Variants in MSI2 observed in about 807,000 individuals in gnomAD.
MSI2 encodes the protein RNA-binding protein Musashi homolog 2.
Under a neutral mutation model 45.6 loss-of-function variants are expected in MSI2, and 17 were observed. The observed-to-expected ratio is 0.37, with a 90% CI of 0.26 to 0.56. The LOEUF is 0.56. Ranked by LOEUF, MSI2 falls within the 20% of genes least tolerant of loss-of-function variation. The probability of loss-of-function intolerance (pLI) is 0.77; values close to 1 mark genes in which losing one functional copy is unlikely to be tolerated. For missense variants in MSI2, 293 were observed against 444.2 expected, an observed-to-expected ratio of 0.66 and a Z score of 3.06; for synonymous variants, 156 against 158.2, an observed-to-expected ratio of 0.99 and a Z score of 0.11.
chr17:57,648,917 C>T (rs996794512), intron 10 of MSI2, among the ~76,000 whole-genome samples: 1 of 152,172 alleles, frequency 6.6e-6, no homozygotes. Flanking sequence ...CTCTGCCAGG[C>T]GTCTCTCCCC....
intron 5 of MSI2, among the ~76,000 whole-genome samples, chr17:57,355,717 G>A (rs1338275947): frequency 2.6e-5 from 4 of 152,238 alleles, no homozygotes; most frequent in Non-Finnish European, 5.9e-5. Flanking sequence ...GGCAGGCAGG[G>A]CCTGGCGGGT....
chr17:57,424,430 G>A (rs1018692098), intron 6 of MSI2, among the ~76,000 whole-genome samples: 1 of 152,254 alleles, frequency 6.6e-6, no homozygotes, highest in Non-Finnish European at 1.5e-5. Context: ...AGGCACAGAA[G>A]AGCCTGTGTC....
At chr17:57,315,895 G>A (rs1297181302) in intron 5 of MSI2, among the ~76,000 whole-genome samples, 1 of 152,124 alleles carries the variant, frequency 6.6e-6, no homozygotes, top group Admixed American at 6.5e-5. Flanking sequence ...TCTAAATTAG[G>A]TCCTTGCTGT....
chr17:57,285,909 T>A, intron 5 of MSI2: 1 of 1,533,676 alleles, frequency 6.5e-7, no homozygotes, highest in South Asian at 1.2e-5. Flanking sequence ...ATTAAGAAAG[T>A]ACTAAAGAAT....
At chr17:57,470,255 A>G (rs911318060) in intron 6 of MSI2, among the ~76,000 whole-genome samples, 1 of 150,544 alleles carries the variant, frequency 6.6e-6, no homozygotes, top group Non-Finnish European at 1.5e-5. Flanking sequence ...GCTTTGACAT[A>G]CAATACCTTC....
At chr17:57,655,776 G>A (rs1286709188) in intron 11 of MSI2, among the ~76,000 whole-genome samples, 1 of 152,204 alleles carries the variant, frequency 6.6e-6, no homozygotes, top group Non-Finnish European at 1.5e-5. Flanking sequence ...CTCTCTCAGT[G>A]TCCAGCTTCC....
At chr17:57,333,982 C>T (rs1045712323) in intron 5 of MSI2, among the ~76,000 whole-genome samples, 5 of 152,132 alleles carry the variant, frequency 3.3e-5, no homozygotes, top group African/African-American at 1.2e-4. Flanking sequence ...CTTCTCCATG[C>T]CTTAGTTTCC....
chr17:57,260,138 A>T (rs1907174095), intron 4 of MSI2: 1 of 152,166 alleles, frequency 6.6e-6, no homozygotes, highest in African/African-American at 2.4e-5. Flanking sequence ...GTACCTAACT[A>T]ACTAATGTTT....
intron 6 of MSI2, among the ~76,000 whole-genome samples, chr17:57,500,846 C>G (rs189868394): frequency 6.6e-6 from 1 of 151,144 alleles, no homozygotes; most frequent in East Asian, 1.9e-4. Context: ...GCATGTAGTC[C>G]CAGCTACTTG....
At position 57,455,326 on chromosome 17, in the gene MSI2, C is replaced by T. The variant is rs529073735; in HGVS notation, c.405+53855C>T. 1.2e-4 allele frequency among the ~76,000 whole-genome samples: 18 copies of T among 152,314 alleles called. 1 individual carries two copies. Among genetic ancestry groups the T allele is most frequent in the African/African-American group, 3.6e-4 (15 of 41,574 alleles). On this transcript the variant is annotated intron_variant, in intron 6 of 13. Coordinates refer to ENST00000284073, the MANE Select transcript of MSI2 (RefSeq NM_138962.4). ...ACACACAGGGAGCTGTGGTCACAGT[C>T]GGACCACTTGGCAGCCATCATAAGA...
At chr17:57,699,034 AGAGAGAGAGAGTGT>A in the MSI2 span, among the ~76,000 whole-genome samples, 5 of 90,176 alleles carry the variant, frequency 5.5e-5, no homozygotes, top group Non-Finnish European at 1.1e-4. Flanking sequence ...AGAGAGAGAG[AGAGAGAGAGAGTGT>A]GTGTGTGTGT....
intron 6 of MSI2, chr17:57,449,767 C>A (rs148086680): frequency 1.6e-4 from 25 of 152,254 alleles, no homozygotes; most frequent in African/African-American, 6.0e-4. Flanking sequence ...GTGGTTCGTG[C>A]CTGTAATCCC....
chr17:57,621,516 A>G (rs1472950917), intron 9 of MSI2, among the ~76,000 whole-genome samples: 1 of 152,248 alleles, frequency 6.6e-6, no homozygotes, highest in African/African-American at 2.4e-5. Context: ...GCAGCAGAAA[A>G]CTAAGTCTCT....
rs72830813 is a variant in MSI2 at position 57,276,737 on chromosome 17, C to T, written c.312+14545C>T. Among the ~76,000 whole-genome samples the T allele has an allele frequency of 3.9e-5, 6 of 152,240 alleles. No homozygotes were observed. In the South Asian group the frequency reaches 1.0e-3, roughly 26 times the overall value. Reference sequence around the variant, plus strand: ...TCATCTCTCTAGCTTCCTAAAAGGGCCATGACTCATTTCCTTGGTTTCCAA... The same window carrying T: ...TCATCTCTCTAGCTTCCTAAAAGGGTCATGACTCATTTCCTTGGTTTCCAA... On this transcript the variant is annotated intron_variant, in intron 5 of 13. Transcript: ENST00000284073.
chr17:57,379,856 C>G (rs1478602063), intron 5 of MSI2, among the ~76,000 whole-genome samples: 3 of 152,182 alleles, frequency 2.0e-5, no homozygotes, highest in African/African-American at 7.2e-5. Flanking sequence ...TCTTTGTTCT[C>G]GAATACGGTG....
intron 6 of MSI2, among the ~76,000 whole-genome samples, chr17:57,423,062 T>C (rs2084426483): frequency 6.6e-6 from 1 of 152,200 alleles, no homozygotes; most frequent in African/African-American, 2.4e-5. Context: ...GATAGGACTC[T>C]ATTCTTTAAT....
chr17:57,575,944 CAAAAAA>C (rs34036311), intron 7 of MSI2, among the ~76,000 whole-genome samples: 100 of 64,444 alleles, frequency 1.6e-3, no homozygotes, highest in African/African-American at 4.6e-3. Flanking sequence ...GACTCCGTCT[CAAAAAA>C]AAAAAAAAAA....
chr17:57,564,505 G>A (rs1318650049), intron 7 of MSI2, among the ~76,000 whole-genome samples: 3 of 152,212 alleles, frequency 2.0e-5, no homozygotes, highest in African/African-American at 7.2e-5. Context: ...GGGTGATGAT[G>A]ATGGTGAGGC....
intron 6 of MSI2, among the ~76,000 whole-genome samples, chr17:57,475,270 G>A (rs185044173): frequency 6.6e-6 from 1 of 152,308 alleles, no homozygotes; most frequent in Non-Finnish European, 1.5e-5. Flanking sequence ...AGTTGAGTGG[G>A]ACACTCACAG....
Sources: gnomAD v4.1 joint callset for allele counts (sites outside exome capture counted in the v4.1 genomes callset) on GRCh38, gnomAD v4.1.1 for gene constraint, MANE v1.5 for transcripts, NCBI Gene and HGNC (gene_info 2026-07-23, HGNC 2026-07-21) for gene names.